The following PPP2R5A variants were observed in gnomAD, a reference collection of about 807,000 sequenced individuals.
PPP2R5A encodes the protein protein phosphatase 2 regulatory subunit B'alpha, also known as serine/threonine-protein phosphatase 2A 56 kDa regulatory subunit alpha isoform.
In PPP2R5A, 25 loss-of-function variants were observed where a neutral mutation model predicts 64.2. The ratio of observed to expected loss-of-function variants is 0.39; its 90% CI spans 0.28 to 0.54. PPP2R5A has a LOEUF of 0.54. Ranked by LOEUF, PPP2R5A falls within the 20% of genes least tolerant of loss-of-function variation. PPP2R5A has a pLI of 0.67. For missense variants in PPP2R5A, 425 were observed against 576.3 expected (o/e 0.74, Z 2.69); for synonymous variants, 198 against 201.2 (o/e 0.98, Z 0.13).
intron 1 of PPP2R5A, among the ~76,000 whole-genome samples, chr1:212,291,110 T>C (rs949766490): frequency 6.6e-6 from 1 of 152,108 alleles, no homozygotes; most frequent in Non-Finnish European, 1.5e-5. Context: ...ATTTATTTTA[T>C]TTTATTTTAT....
chr1:212,303,061 C>A (rs1571578021), intron 1 of PPP2R5A, among the ~76,000 whole-genome samples: 1 of 152,112 alleles, frequency 6.6e-6, no homozygotes, highest in African/African-American at 2.4e-5. Context: ...CATTTGTATA[C>A]AAGTTTTTGT....
chr1:212,331,827 TTAAA>T (rs1659510958), intron 2 of PPP2R5A: 1 of 152,204 alleles, frequency 6.6e-6, no homozygotes, highest in African/African-American at 2.4e-5. Context: ...TGTTGCTTTC[TTAAA>T]TATTTTATTT....
chr1:212,311,340 C>T (rs916588971), intron 1 of PPP2R5A, among the ~76,000 whole-genome samples: 5 of 151,936 alleles, frequency 3.3e-5, no homozygotes, highest in South Asian at 2.1e-4. Flanking sequence ...TGGTGGCAGG[C>T]GCCTGTAGTC....
At chr1:212,339,628 T>C (rs1371808262) in intron 3 of PPP2R5A, among the ~76,000 whole-genome samples, 1 of 152,228 alleles carries the variant, frequency 6.6e-6, no homozygotes, top group Admixed American at 6.5e-5. Context: ...AGAATTTATA[T>C]GTGGTATTTG....
At position 212,297,121 on chromosome 1, in the gene PPP2R5A, TTTTTTTTTTTTTTTTTTG is replaced by T. The variant is rs1301349412; in HGVS notation, c.181+10831_181+10848del. Among the ~76,000 whole-genome samples, 30 of 26,306 alleles carry T rather than the reference TTTTTTTTTTTTTTTTTTG, an allele frequency of 1.1e-3. 4 individuals are homozygous for T. Among genetic ancestry groups the T allele is most frequent in the African/African-American group, 3.5e-3 (20 of 5,736 alleles). The allele number at this position is 26,306 out of a possible 152,430, so 17.3% of individuals were successfully genotyped here. ...CTTTTTTTTTTTTTTTTTTTTTTTT[TTTTTTTTTTTTTTTTTTG>T]GAGACGGAGTCTCACTCTATCGCCC... On this transcript the variant is annotated intron_variant, in intron 1 of 12. Transcript: ENST00000261461.
intron 1 of PPP2R5A, among the ~76,000 whole-genome samples, chr1:212,320,357 A>G (rs997289814): frequency 1.3e-5 from 2 of 152,136 alleles, no homozygotes; most frequent in African/African-American, 4.8e-5. Context: ...TTCTACACAG[A>G]CATGGCAACC....
chr1:212,315,528 G>A (rs1402182319), intron 1 of PPP2R5A, among the ~76,000 whole-genome samples: 1 of 152,146 alleles, frequency 6.6e-6, no homozygotes, highest in Non-Finnish European at 1.5e-5. Flanking sequence ...AGAACATAAT[G>A]TAAAACTTCT....
intron 8 of PPP2R5A, 26 bp from the exon 9 acceptor site, chr1:212,356,600 C>T (rs1420708093): frequency 1.7e-5 from 27 of 1,601,532 alleles, no homozygotes; most frequent in Non-Finnish European, 2.3e-5. Flanking sequence ...TTATTAAATT[C>T]ATGCTAAACT....
intron 1 of PPP2R5A, chr1:212,309,411 T>C: frequency 1.5e-6 from 2 of 1,340,236 alleles, no homozygotes; most frequent in Admixed American, 3.4e-5. Flanking sequence ...TCTTCTTTTT[T>C]TTGTGGCTGT....
chr1:212,289,617 G>A (rs1015985318), intron 1 of PPP2R5A, among the ~76,000 whole-genome samples: 6 of 152,154 alleles, frequency 3.9e-5, no homozygotes, highest in African/African-American at 1.2e-4. Context: ...TTTCTAAGTC[G>A]TTTTCCTTAT....
Position 212,297,093 on chromosome 1 carries a change from C to CCTCTTTTTTT in PPP2R5A, c.181+10802_181+10803insCTCTTTTTTT, listed in dbSNP as rs1558138694. Among the ~76,000 whole-genome samples, 6 of 81,932 alleles carry CCTCTTTTTTT rather than the reference C, an allele frequency of 7.3e-5. 1 individual carries two copies. Among genetic ancestry groups the CCTCTTTTTTT allele is most frequent in the African/African-American group, 3.0e-4 (6 of 20,014 alleles). 53.8% of individuals were successfully genotyped at this position (81,932 alleles called of 152,430 possible). A position where few individuals can be genotyped will look rare whatever the true frequency, so the allele number is the denominator to read the frequency against. On this transcript the variant is annotated intron_variant, in intron 1 of 12. Coordinates refer to ENST00000261461, the MANE Select transcript of PPP2R5A (RefSeq NM_006243.4). ...ACGTTTCTTTTCTTTTTCTTTGCTT[C>CCTCTTTTTTT]TTCTTTTTTTTTTTTTTTTTTTTTT...
intron 3 of PPP2R5A, among the ~76,000 whole-genome samples, chr1:212,340,197 C>T (rs545611306): frequency 4.6e-5 from 7 of 152,116 alleles, no homozygotes; most frequent in African/African-American, 1.7e-4. Context: ...TAAAAGCCAT[C>T]CTCTTCCTGA....
intron 1 of PPP2R5A, among the ~76,000 whole-genome samples, chr1:212,326,856 T>C (rs1659415419): frequency 6.6e-6 from 1 of 152,242 alleles, no homozygotes; most frequent in Non-Finnish European, 1.5e-5. Context: ...TCAAAAATCA[T>C]GTGACTTTTG....
At chr1:212,355,071 A>C (rs1659955431) in intron 8 of PPP2R5A, among the ~76,000 whole-genome samples, 1 of 152,210 alleles carries the variant, frequency 6.6e-6, no homozygotes, top group African/African-American at 2.4e-5. Flanking sequence ...GTCTTCTATG[A>C]TCTTCAGTAA....
chr1:212,303,268 T>G (rs533825890), intron 1 of PPP2R5A, among the ~76,000 whole-genome samples: 1 of 152,338 alleles, frequency 6.6e-6, no homozygotes, highest in Non-Finnish European at 1.5e-5. Context: ...TTTGACTTTC[T>G]GATTATAGCC....
intron 2 of PPP2R5A, among the ~76,000 whole-genome samples, chr1:212,332,056 A>C (rs546565605): frequency 1.1e-3 from 169 of 152,330 alleles, no homozygotes; most frequent in African/African-American, 3.7e-3. Flanking sequence ...TCAAGGACAA[A>C]TTCTACGCTC....
intron 8 of PPP2R5A, among the ~76,000 whole-genome samples, chr1:212,350,263 A>T (rs2102445722): frequency 6.6e-6 from 1 of 152,306 alleles, no homozygotes; most frequent in Admixed American, 6.5e-5. Flanking sequence ...TGACTTTTAG[A>T]TTTACAGTCT....
chr1:212,337,107 T>C lies in PPP2R5A; in HGVS notation c.480+3509T>C, dbSNP rs901713736. On this transcript the variant is annotated intron_variant, in intron 3 of 12. Coordinates refer to ENST00000261461, the MANE Select transcript of PPP2R5A (RefSeq NM_006243.4). ...ATAGAAGAAAGGACCACAAGGAAGGTCATTTCAGTATTAGGGGATAGGTTG... is the reference window on the plus strand; with the variant it reads ...ATAGAAGAAAGGACCACAAGGAAGGCCATTTCAGTATTAGGGGATAGGTTG... Among the ~76,000 whole-genome samples the C allele has an allele frequency of 3.3e-5, 5 of 152,282 alleles. No homozygotes were observed. The Middle Eastern group carries it at 0.01, about 311-fold the overall frequency.
At chr1:212,344,842 T>G (rs1659745863) in intron 4 of PPP2R5A, among the ~76,000 whole-genome samples, 1 of 152,140 alleles carries the variant, frequency 6.6e-6, no homozygotes, top group Non-Finnish European at 1.5e-5. Context: ...TGGAACTGGT[T>G]TAAAATTTTT....
Sources: gnomAD v4.1 joint callset for allele counts (sites outside exome capture counted in the v4.1 genomes callset) on GRCh38, gnomAD v4.1.1 for gene constraint, MANE v1.5 for transcripts, NCBI Gene and HGNC (gene_info 2026-07-23, HGNC 2026-07-21) for gene names.